Variants in UPK3B observed in about 807,000 individuals in gnomAD.
The protein encoded by UPK3B is uroplakin-3b.
UPK3B carries 21 observed loss-of-function variants against 27.6 expected under a neutral mutation model. That is an observed-to-expected ratio of 0.76 (90% confidence interval 0.54 to 1.10). UPK3B has a LOEUF of 1.10. UPK3B is among the 50% of genes least tolerant of loss of function. The pLI, the probability that UPK3B is intolerant of heterozygous loss-of-function variation, is 0.00. For missense variants in UPK3B, 306 were observed against 376.1 expected (o/e 0.81, Z 1.54); for synonymous variants, 141 against 162.3 (o/e 0.87, Z 1.00).
intron 3 of UPK3B, among the ~76,000 whole-genome samples, chr7:76,512,434 G>A (rs1776113713): frequency 6.8e-6 from 1 of 146,572 alleles, no homozygotes; most frequent in Non-Finnish European, 1.5e-5. Flanking sequence ...GGCGTGGTGA[G>A]GCTGGAACAG....
chr7:76,511,595 C>T lies in UPK3B; in HGVS notation c.236-62C>T. On this transcript the variant is annotated intron_variant, in intron 2 of 5. Transcript: ENST00000334348. ...TGGAGACTGGGCGAACACAGAACCC[C>T]CACTCATAAGGACAAAGCTGCTTTC... 4 of 1,403,358 alleles carry T rather than the reference C, an allele frequency of 2.9e-6. No individual in the cohort carries two copies. In the South Asian group the frequency reaches 5.0e-5, roughly 18 times the overall value. The allele number at this position is 1,403,358 out of a possible 1,614,324, so 86.9% of individuals were successfully genotyped here.
chr7:76,515,404 G>A lies in UPK3B; in HGVS notation c.*200G>A. 1 of 1,500,466 alleles carries A rather than the reference G, an allele frequency of 6.7e-7. No individual in the cohort carries two copies. The allele number at this position is 1,500,466 out of a possible 1,614,324, so 92.9% of individuals were successfully genotyped here. ...CTTTCTGGTTTCTCTCCCTCTCCAAGCATCTGTAAGTTGCACTCAGGAGGG... is the reference window on the plus strand; with the variant it reads ...CTTTCTGGTTTCTCTCCCTCTCCAAACATCTGTAAGTTGCACTCAGGAGGG... On this transcript the variant is annotated 3_prime_UTR_variant, in exon 6 of 6. Transcript: ENST00000334348.
chr7:76,515,124 C>G lies in UPK3B; in HGVS notation c.751C>G (p.His251Asp), dbSNP rs1175984481. Residue 251 changes from histidine to aspartate, a missense_variant, in exon 6 of 6, where the codon CAC becomes GAC. Physicochemically the swap from His to Asp is moderately conservative, Grantham distance 81. Coordinates refer to ENST00000334348, the MANE Select transcript of UPK3B (RefSeq NM_001347684.2). ...SFMGKRYMTH[H>D]IPPREAATLP... is the part of the protein sequence containing the mutation. Reference sequence around the variant, plus strand: ...CATGGGCAAGCGCTACATGACCCACCACATCCCACCCAGAGAGGCCGCCAC... The same window carrying G: ...CATGGGCAAGCGCTACATGACCCACGACATCCCACCCAGAGAGGCCGCCAC... 6.2e-7 allele frequency: 1 copy of G among 1,602,056 alleles called. No individual in the cohort carries two copies. Among genetic ancestry groups the G allele is most frequent in the Non-Finnish European group, 8.5e-7 (1 of 1,175,468 alleles).
At chr7:76,512,603 C>T (rs1260216578) in intron 3 of UPK3B, among the ~76,000 whole-genome samples, 3 of 136,830 alleles carry the variant, frequency 2.2e-5, no homozygotes, top group Non-Finnish European at 3.2e-5. Context: ...GGTCCTTCCC[C>T]GCTTCCCAGG....
At chr7:76,513,817 G>C (rs1019410040) in intron 4 of UPK3B, 130 bp from the exon 5 acceptor site, 21 of 1,393,804 alleles carry the variant, frequency 1.5e-5, no homozygotes, top group Non-Finnish European at 1.9e-5. Flanking sequence ...GGATCAGGGG[G>C]GCGCCTGGGG....
At chr7:76,513,293 C>T (rs540723982) in intron 4 of UPK3B, 130 bp downstream of exon 4, 4 of 860,754 alleles carry the variant, frequency 4.6e-6, no homozygotes, top group South Asian at 1.7e-5. Context: ...TCGGGCCCAG[C>T]CCCCAACAGA....
At chr7:76,513,046 A>G (rs1812589394) in intron 3 of UPK3B, 38 bp from the exon 4 acceptor site, 1 of 1,577,382 alleles carries the variant, frequency 6.3e-7, no homozygotes, top group Non-Finnish European at 8.7e-7. Context: ...CCAGCCTCTG[A>G]AGCTCTCCCC....
At position 76,515,366 on chromosome 7, in the gene UPK3B, G is replaced by C. The variant is rs1399115215; in HGVS notation, c.*162G>C. 8 of 1,495,952 alleles carry C rather than the reference G, an allele frequency of 5.3e-6. No individual in the cohort carries two copies. In the Admixed American group the frequency reaches 1.5e-4, roughly 28 times the overall value. 92.7% of individuals were successfully genotyped at this position (1,495,952 alleles called of 1,614,324 possible). On this transcript the variant is annotated 3_prime_UTR_variant, in exon 6 of 6. Transcript: ENST00000334348. ...CTGGAATCCCAGCACCAGCCCCCCT[G>C]CCTCTCCTCTGCCTTTCTGGTTTCT...
In UPK3B at chr7:76,513,090, G is replaced by A. The variant is rs755289678; in HGVS notation, c.468G>A (p.Lys156=). The part of the protein sequence containing the change: ...PLPGPGPYRV[K]FLLMDTRGSP... Reference sequence around the variant, plus strand: ...CACCACCTCCCATCCCCAGGGTGAAGTTCCTCCTGATGGACACCAGGGGCT... The same window carrying A: ...CACCACCTCCCATCCCCAGGGTGAAATTCCTCCTGATGGACACCAGGGGCT... Residue 156 remains lysine, a synonymous_variant, in exon 4 of 6, where the codon AAG becomes AAA. Coordinates refer to ENST00000334348, the MANE Select transcript of UPK3B (RefSeq NM_001347684.2). The A allele has an allele frequency of 1.9e-6, 3 of 1,613,138 alleles. No homozygotes were observed. Among genetic ancestry groups the A allele is most frequent in the Non-Finnish European group, 2.5e-6 (3 of 1,179,622 alleles).
chr7:76,514,714 T>C (rs1812666412), intron 5 of UPK3B, among the ~76,000 whole-genome samples: 1 of 152,052 alleles, frequency 6.6e-6, no homozygotes, highest in African/African-American at 2.4e-5. Context: ...AAGACCAGCC[T>C]GAGCAACATG....
Position 76,511,737 on chromosome 7 carries a change from A to G in UPK3B, c.316A>G (p.Thr106Ala). 1 of 1,611,592 alleles carries G rather than the reference A, an allele frequency of 6.2e-7. No homozygotes were observed. Among genetic ancestry groups the G allele is most frequent in the South Asian group, 1.1e-5 (1 of 90,808 alleles). ...GCTGCTGACCGATGGCCACTACATG[A>G]CGCTGCCCCTGTCTCCGGACCAGCT... ...PQLLTDGHYM[T>A]LPLSPDQLPC... The change falls in exon 3 of 6, where the codon ACG (threonine) becomes GCG (alanine). Residue 106 changes from threonine (T) to alanine (A), a missense_variant. Around this residue, in one of 4 missense-constraint regions of UPK3B, gnomAD observed 78 missense variants for 120.2 expected, o/e 0.65. Coordinates refer to ENST00000334348, the MANE Select transcript of UPK3B (RefSeq NM_001347684.2).
At position 76,513,820 on chromosome 7, in the gene UPK3B, G is replaced by T. The variant is rs965590881; in HGVS notation, c.542-127G>T. On this transcript the variant is annotated intron_variant, in intron 4 of 5. Transcript: ENST00000334348. ...GGACGGGGGGTGGGATCAGGGGGGC[G>T]CCTGGGGATATGAGACAGCCAGACC... 7.0e-6 allele frequency: 10 copies of T among 1,420,400 alleles called. No homozygotes were observed. The African/African-American group carries it at 1.3e-4, about 18-fold the overall frequency. The allele number at this position is 1,420,400 out of a possible 1,614,324, so 88.0% of individuals were successfully genotyped here. A position where few individuals can be genotyped will look rare whatever the true frequency, so the allele number is the denominator to read the frequency against.
At position 76,513,925 on chromosome 7, in the gene UPK3B, T is replaced by C. The variant is rs1365113768; in HGVS notation, c.542-22T>C. ...CCCTGGGGTCGAGGGGCAGCCCCTCTGAGCAGCTGGTGTGTGTGCAGGGAA... is the reference window on the plus strand; with the variant it reads ...CCCTGGGGTCGAGGGGCAGCCCCTCCGAGCAGCTGGTGTGTGTGCAGGGAA... On this transcript the variant is annotated intron_variant, in intron 4 of 5. Transcript: ENST00000334348. 1.9e-6 allele frequency: 3 copies of C among 1,613,542 alleles called. No homozygotes were observed. In the African/African-American group the frequency reaches 4.0e-5, roughly 22 times the overall value.
chr7:76,515,410 G>T lies in UPK3B; in HGVS notation c.*206G>T. 1 of 1,502,462 alleles carries T rather than the reference G, an allele frequency of 6.7e-7. No individual in the cohort carries two copies. The highest frequency in any genetic ancestry group is 8.9e-7 in the Non-Finnish European group (1 of 1,129,858). 93.1% of individuals were successfully genotyped at this position (1,502,462 alleles called of 1,614,324 possible). A position where few individuals can be genotyped will look rare whatever the true frequency, so the allele number is the denominator to read the frequency against. ...GGTTTCTCTCCCTCTCCAAGCATCT[G>T]TAAGTTGCACTCAGGAGGGTTTAGG... is the stretch of plus-strand genomic sequence containing the variant. On this transcript the variant is annotated 3_prime_UTR_variant, in exon 6 of 6. Transcript: ENST00000334348.
Position 76,511,810 on chromosome 7 carries a change from G to C in UPK3B, c.389G>C (p.Arg130Pro). ...MAGSGGAPVL[R>P]VGHDHGCHQQ... ...GGCAGCGGAGGCGCCCCCGTGCTGC[G>C]GGTGGGCCATGACCACGGCTGCCAC... Residue 130 changes from arginine (R) to proline (P), a missense_variant, in exon 3 of 6, where the codon CGG becomes CCG. Physicochemically the swap from Arg to Pro is moderately radical, Grantham distance 103. Around this residue, in one of 4 missense-constraint regions of UPK3B, gnomAD observed 78 missense variants for 120.2 expected, o/e 0.65. Coordinates refer to ENST00000334348, the MANE Select transcript of UPK3B (RefSeq NM_001347684.2). 3 of 1,545,250 alleles carry C rather than the reference G, an allele frequency of 1.9e-6. No individual in the cohort carries two copies. The highest frequency in any genetic ancestry group is 2.6e-6 in the Non-Finnish European group (3 of 1,144,112).
In UPK3B at chr7:76,513,171, T is replaced by A. The variant is rs1490478471; in HGVS notation, c.541+8T>A. ...CCATCACTCTCCACCAAGGTAGCGC[T>A]GGGCAGGAGGGGCGCTGCCCCCAGT... On this transcript the variant is annotated splice_region_variant and intron_variant, in intron 4 of 5. Coordinates refer to ENST00000334348, the MANE Select transcript of UPK3B (RefSeq NM_001347684.2). 2.5e-6 allele frequency: 4 copies of A among 1,612,708 alleles called. No homozygotes were observed. In the African/African-American group the frequency reaches 4.0e-5, roughly 16 times the overall value.
At position 76,511,682 on chromosome 7, in the gene UPK3B, G is replaced by A. The variant is rs987023650; in HGVS notation, c.261G>A (p.Glu87=). 2.5e-6 allele frequency: 4 copies of A among 1,603,984 alleles called. No homozygotes were observed. Among genetic ancestry groups the A allele is most frequent in the African/African-American group, 2.7e-5 (2 of 74,524 alleles). The part of the protein sequence containing the change: ...SNASRGFQNP[E]TLADIPASPQ... ...CCTCCAGGGGCTTCCAGAACCCGGA[G>A]ACACTGGCTGACATTCCGGCCTCCC... Residue 87 remains glutamate, a synonymous_variant, in exon 3 of 6, where the codon GAG becomes GAA. Transcript: ENST00000334348.
chr7:76,510,979 G>A lies in UPK3B; in HGVS notation c.162G>A (p.Glu54=), dbSNP rs1411823577. The A allele has an allele frequency of 2.5e-6, 4 of 1,582,892 alleles. No individual in the cohort carries two copies. In the African/African-American group the frequency reaches 4.0e-5, roughly 16 times the overall value. The part of the protein sequence containing the change: ...GKVTATTFSL[E]QPRCVFDGLA... ...TCACAGCCACCACCTTCTCCCTGGA[G>A]CAGCCGCGCTGTGTCTTCGATGGGC... The change falls in exon 2 of 6, where the codon GAG becomes GAA. Residue 54 remains glutamate (E), a synonymous_variant. Coordinates refer to ENST00000334348, the MANE Select transcript of UPK3B (RefSeq NM_001347684.2).
At chr7:76,513,801 G>C (rs1439551712) in intron 4 of UPK3B, 146 bp from the exon 5 acceptor site, 2 of 1,178,478 alleles carry the variant, frequency 1.7e-6, no homozygotes, top group Non-Finnish European at 2.4e-6. Flanking sequence ...AGAGGGACGG[G>C]GGGTGGGATC....
Sources: gnomAD v4.1 joint callset for allele counts (sites outside exome capture counted in the v4.1 genomes callset) on GRCh38, gnomAD v4.1.1 for gene constraint, gnomAD v4.1.1 regional missense constraint, MANE v1.5 for transcripts, NCBI Gene and HGNC (gene_info 2026-07-23, HGNC 2026-07-21) for gene names.